Variants in NRIP1 observed in about 807,000 individuals in gnomAD.
NRIP1 encodes the protein nuclear receptor interacting protein 1, also known as nuclear receptor-interacting protein 1.
A neutral mutation model predicts 75.0 loss-of-function variants in NRIP1; 28 were observed. The ratio of observed to expected loss-of-function variants is 0.37; its 90% CI spans 0.28 to 0.51. The LOEUF (loss-of-function observed/expected upper bound fraction) is 0.51, where lower values mean the gene tolerates loss of function less well. Among genes scored for constraint, NRIP1 ranks in the 20% least tolerant of loss-of-function variants. NRIP1 has a pLI of 0.92. For synonymous variants in NRIP1, 526 were observed against 487.6 expected, an observed-to-expected ratio of 1.08 and a Z score of -1.04; for missense variants, 1,435 against 1,343.7, an observed-to-expected ratio of 1.07 and a Z score of -1.06.
At chr21:15,036,471 T>C (rs1489756693) in intron 2 of NRIP1, among the ~76,000 whole-genome samples, 1 of 152,202 alleles carries the variant, frequency 6.6e-6, no homozygotes, top group East Asian at 1.9e-4. Context: ...AGAATTCATC[T>C]TTGCTTATGC....
In NRIP1 at chr21:14,964,702, A is replaced by T. The variant is rs1182434623; in HGVS notation, c.*14T>A. 3.3e-6 allele frequency: 5 copies of T among 1,508,266 alleles called. No individual in the cohort carries two copies. The highest frequency in any genetic ancestry group is 4.4e-6 in the Non-Finnish European group (5 of 1,127,874). The allele number at this position is 1,508,266 out of a possible 1,614,324, so 93.4% of individuals were successfully genotyped here. Reference sequence around the variant, plus strand: ...TAGTTTTAAAAAGATCCAAAACTGGATGGCAGGTACATTTTATTCTGATTC... The same window carrying T: ...TAGTTTTAAAAAGATCCAAAACTGGTTGGCAGGTACATTTTATTCTGATTC... On this transcript the variant is annotated 3_prime_UTR_variant, in exon 4 of 4. Transcript: ENST00000318948.
chr21:15,040,500 G>T (rs2088928274), intron 2 of NRIP1, among the ~76,000 whole-genome samples: 1 of 151,914 alleles, frequency 6.6e-6, no homozygotes, highest in Admixed American at 6.6e-5. Flanking sequence ...AAAACACAAA[G>T]GTCACAAGAA....
chr21:15,047,909 G>A (rs2089121132), intron 1 of NRIP1, among the ~76,000 whole-genome samples: 1 of 152,148 alleles, frequency 6.6e-6, no homozygotes, highest in African/African-American at 2.4e-5. Context: ...TCTAGCTCTT[G>A]ATTTAAAGTA....
At chr21:15,025,283 A>G (rs1420832218) in intron 2 of NRIP1, among the ~76,000 whole-genome samples, 1 of 152,170 alleles carries the variant, frequency 6.6e-6, no homozygotes, top group African/African-American at 2.4e-5. Context: ...GTTTCTCACT[A>G]TAAGAGGAGG....
At chr21:14,972,339 C>T (rs998117416) in intron 3 of NRIP1, among the ~76,000 whole-genome samples, 1 of 151,728 alleles carries the variant, frequency 6.6e-6, no homozygotes, top group African/African-American at 2.4e-5. Context: ...AGAAATATAG[C>T]AAAAAAAGAA....
At chr21:15,001,382 G>A (rs1317438604) in intron 3 of NRIP1, among the ~76,000 whole-genome samples, 2 of 152,028 alleles carry the variant, frequency 1.3e-5, no homozygotes, top group South Asian at 2.1e-4. Context: ...ATACACAACC[G>A]AAAAAGTGCA....
At chr21:15,005,251 G>C (rs1408769035) in intron 3 of NRIP1, among the ~76,000 whole-genome samples, 1 of 152,108 alleles carries the variant, frequency 6.6e-6, no homozygotes, top group Non-Finnish European at 1.5e-5. Context: ...CTACAAAGCT[G>C]TTTTGAAGCC....
At chr21:15,064,339 G>C (rs1292279403) in intron 1 of NRIP1, among the ~76,000 whole-genome samples, 1 of 152,216 alleles carries the variant, frequency 6.6e-6, no homozygotes, top group African/African-American at 2.4e-5. Context: ...CGCCGCCCAG[G>C]ATCCGGCTGG....
intron 2 of NRIP1, among the ~76,000 whole-genome samples, chr21:15,024,849 T>C (rs184891009): frequency 3.0e-4 from 46 of 152,296 alleles, no homozygotes; most frequent in Admixed American, 2.4e-3. Flanking sequence ...AAGTATATAA[T>C]GTACGAAAGG....
At position 15,048,980 on chromosome 21, in the gene NRIP1, G is replaced by A. The variant is rs75544707; in HGVS notation, c.-537-5406C>T. 4.1e-3 allele frequency among the ~76,000 whole-genome samples: 528 copies of A among 128,508 alleles called. 5 individuals carry two copies. Among genetic ancestry groups the A allele is most frequent in the African/African-American group, 0.013 (504 of 38,712 alleles). 84.3% of individuals were successfully genotyped at this position (128,508 alleles called of 152,430 possible). Reference sequence around the variant, plus strand: ...CATACAAATACATACACACACACACGTATTCATTTTACAAATATATAAATA... The same window carrying A: ...CATACAAATACATACACACACACACATATTCATTTTACAAATATATAAATA... On this transcript the variant is annotated intron_variant, in intron 1 of 3. Transcript: ENST00000318948.
intron 2 of NRIP1, among the ~76,000 whole-genome samples, chr21:15,034,738 G>A (rs896978916): frequency 2.6e-5 from 4 of 151,768 alleles, no homozygotes; most frequent in Non-Finnish European, 4.4e-5. Flanking sequence ...AAACTTGAAA[G>A]GAATCCTAAA....
intron 3 of NRIP1, among the ~76,000 whole-genome samples, chr21:15,004,695 T>A (rs2087924417): frequency 1.3e-5 from 2 of 152,270 alleles, no homozygotes; most frequent in Non-Finnish European, 2.9e-5. Flanking sequence ...AGTCCATTTT[T>A]AACTAAGATT....
At chr21:14,974,880 G>A (rs892231482) in intron 3 of NRIP1, among the ~76,000 whole-genome samples, 1 of 152,140 alleles carries the variant, frequency 6.6e-6, no homozygotes, top group South Asian at 2.1e-4. Context: ...GGCTGAGGCA[G>A]GATGAATGCT....
chr21:15,039,406 G>A (rs2088904677), intron 2 of NRIP1, among the ~76,000 whole-genome samples: 2 of 152,094 alleles, frequency 1.3e-5, no homozygotes, highest in South Asian at 4.1e-4. Context: ...GTTCTCACAG[G>A]TCAATAGTCC....
At chr21:15,063,866 A>G (rs1228101701) in intron 1 of NRIP1, among the ~76,000 whole-genome samples, 2 of 152,242 alleles carry the variant, frequency 1.3e-5, no homozygotes, top group Admixed American at 1.3e-4. Flanking sequence ...ACGTGATAAA[A>G]GGTAGAAACT....
intron 3 of NRIP1, among the ~76,000 whole-genome samples, chr21:14,978,192 C>T (rs1372405732): frequency 3.9e-5 from 6 of 152,140 alleles, no homozygotes; most frequent in South Asian, 4.1e-4. Context: ...AAGCATTCAA[C>T]GCAAGGACAC....
chr21:14,970,505 C>T (rs1339528062), intron 3 of NRIP1, among the ~76,000 whole-genome samples: 2 of 152,206 alleles, frequency 1.3e-5, no homozygotes, highest in Admixed American at 1.3e-4. Flanking sequence ...GAGATCGTGC[C>T]ACTGCACTCC....
intron 2 of NRIP1, among the ~76,000 whole-genome samples, chr21:15,035,785 T>C (rs2088818766): frequency 1.3e-5 from 2 of 152,116 alleles, no homozygotes; most frequent in Non-Finnish European, 2.9e-5. Context: ...CTCAAACTCC[T>C]GACCTCGTGA....
intron 2 of NRIP1, among the ~76,000 whole-genome samples, chr21:15,018,096 A>G (rs1237530762): frequency 6.6e-6 from 1 of 152,238 alleles, no homozygotes; most frequent in African/African-American, 2.4e-5. Flanking sequence ...TCATGACAAA[A>G]GAAGCATGTC....
Sources: allele counts gnomAD v4.1 joint callset (sites outside exome capture counted in the v4.1 genomes callset), GRCh38; gene constraint gnomAD v4.1.1; transcripts MANE v1.5; gene names NCBI Gene and HGNC (gene_info 2026-07-23, HGNC 2026-07-21).